Variants in MAGI3 observed in about 807,000 individuals in gnomAD.
MAGI3 encodes the protein membrane associated guanylate kinase, WW and PDZ domain containing 3, also known as membrane-associated guanylate kinase, WW and PDZ domain-containing protein 3.
In MAGI3, 43 loss-of-function variants were observed where a neutral mutation model predicts 121.8. That is an observed-to-expected ratio of 0.35 (90% confidence interval 0.28 to 0.46). The LOEUF (loss-of-function observed/expected upper bound fraction) is 0.46, where lower values mean the gene tolerates loss of function less well. MAGI3 is among the 20% of genes least tolerant of loss of function. The pLI, the probability that MAGI3 is intolerant of heterozygous loss-of-function variation, is 1.00. For missense variants in MAGI3, 1,547 were observed against 1,797.3 expected, an observed-to-expected ratio of 0.86 and a Z score of 2.52; for synonymous variants, 553 against 639.3, an observed-to-expected ratio of 0.86 and a Z score of 2.04.
chr1:113,391,324 C>T lies in MAGI3; in HGVS notation c.291C>T (p.Pro97=), dbSNP rs1171620074. The change falls in exon 1 of 21, where the codon CCC becomes CCT. Residue 97 remains proline, a synonymous_variant. Coordinates refer to ENST00000307546, the MANE Select transcript of MAGI3 (RefSeq NM_001142782.2). This position sits in a 1 kb window ranked among gnomAD's most constrained non-coding sequence, Gnocchi z 4.4. ...TLAVIRHFRE[P]IRLKTVKPGK... is the part of the protein sequence containing the mutation. ...CTGTCATCCGCCACTTCCGCGAGCC[C>T]ATCCGTCTCAAGACTGTGAAACCAG... 3.1e-6 allele frequency: 5 copies of T among 1,597,938 alleles called. No individual in the cohort carries two copies. The East Asian group carries it at 1.1e-4, about 37-fold the overall frequency.
chr1:113,547,808 G>A (rs1335910130), intron 1 of MAGI3, among the ~76,000 whole-genome samples: 2 of 152,070 alleles, frequency 1.3e-5, no homozygotes, highest in Non-Finnish European at 2.9e-5. Flanking sequence ...ATCCCTAAAT[G>A]CTTAATAGAA....
chr1:113,589,583 T>A (rs1281410807), intron 4 of MAGI3, among the ~76,000 whole-genome samples: 2 of 151,942 alleles, frequency 1.3e-5, no homozygotes, highest in East Asian at 3.9e-4. Context: ...GGATAAAGAA[T>A]AGTGAAAGGT....
intron 2 of MAGI3, among the ~76,000 whole-genome samples, chr1:113,576,385 C>T (rs1434292715): frequency 6.6e-6 from 1 of 152,186 alleles, no homozygotes; most frequent in Admixed American, 6.5e-5. Flanking sequence ...AGCACAGTCC[C>T]TCATGGCTTC....
chr1:113,648,263 T>C (rs1370624659), intron 12 of MAGI3, among the ~76,000 whole-genome samples: 1 of 152,168 alleles, frequency 6.6e-6, no homozygotes, highest in East Asian at 1.9e-4. Flanking sequence ...TAGAATATTA[T>C]CAGGAATTTA....
At chr1:113,503,094 G>T (rs1657102987) in intron 1 of MAGI3, among the ~76,000 whole-genome samples, 1 of 97,296 alleles carries the variant, frequency 1.0e-5, no homozygotes, top group Non-Finnish European at 2.0e-5. Context: ...GGGAGGGGTA[G>T]CATTGGGAGA....
At chr1:113,548,748 A>C (rs1659644877) in intron 1 of MAGI3, among the ~76,000 whole-genome samples, 1 of 152,236 alleles carries the variant, frequency 6.6e-6, no homozygotes, top group Admixed American at 6.5e-5. Context: ...TTTAAATCTC[A>C]CTCTGGCTTC....
At chr1:113,401,073 T>G (rs893061501) in intron 1 of MAGI3, among the ~76,000 whole-genome samples, 1 of 152,316 alleles carries the variant, frequency 6.6e-6, no homozygotes. Flanking sequence ...GAACTTTATA[T>G]ATTTTTATTC....
At chr1:113,491,435 C>T (rs1233990903) in intron 1 of MAGI3, among the ~76,000 whole-genome samples, 1 of 152,070 alleles carries the variant, frequency 6.6e-6, no homozygotes, top group African/African-American at 2.4e-5. Flanking sequence ...GGAAAGGTCT[C>T]AGCTTGACAA....
chr1:113,682,777 T>G (rs1648295198), intron 20 of MAGI3, 120 bp from the exon 21 acceptor site: 1 of 1,442,720 alleles, frequency 6.9e-7, no homozygotes, highest in African/African-American at 1.4e-5. Flanking sequence ...ACAAACTGTA[T>G]AAAATACTCA....
intron 6 of MAGI3, among the ~76,000 whole-genome samples, chr1:113,595,371 A>G (rs1648936186): frequency 6.6e-6 from 1 of 152,230 alleles, no homozygotes; most frequent in Admixed American, 6.5e-5. Context: ...AATTTATTCC[A>G]TCCAAAATTG....
At chr1:113,623,571 TCCGTC>T (rs1651012425) in intron 9 of MAGI3, among the ~76,000 whole-genome samples, 1 of 151,038 alleles carries the variant, frequency 6.6e-6, no homozygotes, top group Admixed American at 6.6e-5. Flanking sequence ...CACTGCAAAC[TCCGTC>T]TCCCGGGTTC....
intron 1 of MAGI3, among the ~76,000 whole-genome samples, chr1:113,516,519 T>A (rs1456166807): frequency 6.7e-6 from 1 of 148,970 alleles, no homozygotes; most frequent in Non-Finnish European, 1.5e-5. Flanking sequence ...AAAAAATAAA[T>A]AGAATAGTAT....
chr1:113,433,025 T>TA (rs1292629679), intron 1 of MAGI3, among the ~76,000 whole-genome samples: 1 of 152,100 alleles, frequency 6.6e-6, no homozygotes, highest in Non-Finnish European at 1.5e-5. Context: ...CAAATAATAA[T>TA]AATAAATAAA....
chr1:113,508,789 A>C (rs1320676607), intron 1 of MAGI3, among the ~76,000 whole-genome samples: 1 of 152,218 alleles, frequency 6.6e-6, no homozygotes, highest in Non-Finnish European at 1.5e-5. Flanking sequence ...ATCTGTGCTT[A>C]TCTTACATTG....
At chr1:113,607,718 CA>C (rs1197419380) in intron 6 of MAGI3, among the ~76,000 whole-genome samples, 1 of 151,978 alleles carries the variant, frequency 6.6e-6, no homozygotes, top group African/African-American at 2.4e-5. Context: ...GCTACATGAT[CA>C]AAAAACCTTG....
chr1:113,550,183 G>A (rs1471129234), intron 2 of MAGI3, among the ~76,000 whole-genome samples: 2 of 151,364 alleles, frequency 1.3e-5, no homozygotes, highest in Non-Finnish European at 1.5e-5. Flanking sequence ...GGCCGAGGCG[G>A]ACGGATCACT....
At chr1:113,460,174 A>T (rs902460666) in intron 1 of MAGI3, among the ~76,000 whole-genome samples, 2 of 152,246 alleles carry the variant, frequency 1.3e-5, no homozygotes, top group Non-Finnish European at 2.9e-5. Context: ...CAAAAACTAC[A>T]TGATTATCTC....
At chr1:113,535,535 G>A (rs1001324765) in intron 1 of MAGI3, among the ~76,000 whole-genome samples, 1 of 151,910 alleles carries the variant, frequency 6.6e-6, no homozygotes, top group African/African-American at 2.4e-5. Flanking sequence ...TATTAATGAT[G>A]TACTCATCAG....
intron 6 of MAGI3, 74 bp downstream of exon 6, chr1:113,594,634 G>T: frequency 1.5e-6 from 2 of 1,325,440 alleles, no homozygotes; most frequent in Non-Finnish European, 2.1e-6. Flanking sequence ...CAGATAATGG[G>T]TTTTTCAAAA....
Sources: gnomAD v4.1 joint callset for allele counts (sites outside exome capture counted in the v4.1 genomes callset) on GRCh38, gnomAD v4.1.1 for gene constraint, Gnocchi (gnomAD v3.1) non-coding constraint, MANE v1.5 for transcripts, NCBI Gene and HGNC (gene_info 2026-07-23, HGNC 2026-07-21) for gene names.